GCNT1: variants seen among roughly 807,000 people sequenced by gnomAD.
GCNT1 encodes glucosaminyl (N-acetyl) transferase 1.
A neutral mutation model predicts 26.2 loss-of-function variants in GCNT1; 16 were observed. That is an observed-to-expected ratio of 0.61 (90% CI 0.41 to 0.93). The LOEUF is 0.93. Ranked by LOEUF, GCNT1 falls within the 40% of genes least tolerant of loss-of-function variation. The probability of loss-of-function intolerance (pLI) is 0.00; values close to 1 mark genes in which losing one functional copy is unlikely to be tolerated. For synonymous variants in GCNT1, 183 were observed against 190.8 expected, an observed-to-expected ratio of 0.96 and a Z score of 0.34; for missense variants, 477 against 526.7, an observed-to-expected ratio of 0.91 and a Z score of 0.92.
chr9:76,415,831 G>A (rs982060719), upstream of GCNT1, among the ~76,000 whole-genome samples: 3 of 152,292 alleles, frequency 2.0e-5, no homozygotes, highest in South Asian at 2.1e-4. Flanking sequence ...CTTCCTGTTT[G>A]TCTTTCCATT....
chr9:76,456,991 G>T (rs1358386879), upstream of GCNT1, among the ~76,000 whole-genome samples: 2 of 152,062 alleles, frequency 1.3e-5, no homozygotes, highest in African/African-American at 4.8e-5. Flanking sequence ...AAACAAAATG[G>T]ATTACACTTA....
At chr9:76,443,997 A>G (rs945883595) in intron 1 of GCNT1, among the ~76,000 whole-genome samples, 1 of 145,810 alleles carries the variant, frequency 6.9e-6, no homozygotes, top group African/African-American at 2.6e-5. Context: ...AAGGAAGAAA[A>G]AAAGAGCCAG....
At chr9:76,413,660 T>G in the GCNT1 span, among the ~76,000 whole-genome samples, 42,293 of 131,012 alleles carry the variant, frequency 0.32, 5,637 homozygotes, top group Middle Eastern at 0.37. Flanking sequence ...TTTGTTTTTT[T>G]TTTTTTTGTT....
At chr9:76,447,344 A>G (rs1401100616) in intron 1 of GCNT1, among the ~76,000 whole-genome samples, 1 of 151,464 alleles carries the variant, frequency 6.6e-6, no homozygotes, top group Non-Finnish European at 1.5e-5. Context: ...GGCTCAGGCA[A>G]TCCTTCCACT....
intron 2 of GCNT1, among the ~76,000 whole-genome samples, chr9:76,465,933 C>T (rs762067308): frequency 9.9e-5 from 15 of 152,052 alleles, no homozygotes; most frequent in Admixed American, 3.3e-4. Flanking sequence ...CGGGTTGGCA[C>T]GAGGTGTGGG....
intron 2 of GCNT1, among the ~76,000 whole-genome samples, chr9:76,464,467 T>C (rs1305785495): frequency 1.3e-5 from 2 of 152,240 alleles, no homozygotes; most frequent in African/African-American, 4.8e-5. Flanking sequence ...TCTGCCCACA[T>C]TGGCCTCCCA....
At chr9:76,408,395 G>A in the GCNT1 span, among the ~76,000 whole-genome samples, 1 of 152,006 alleles carries the variant, frequency 6.6e-6, no homozygotes, top group African/African-American at 2.4e-5. Flanking sequence ...TTTTTAGTCT[G>A]TTGAAATGAT....
intron 2 of GCNT1, among the ~76,000 whole-genome samples, chr9:76,462,050 A>G (rs1373367056): frequency 1.3e-5 from 2 of 152,246 alleles, no homozygotes; most frequent in Admixed American, 6.5e-5. Flanking sequence ...CATGAAATGA[A>G]GTGGTAGAAA....
In GCNT1 at chr9:76,443,994, A is replaced by AAGGAAG; in HGVS notation, c.-290+1680_-290+1681insGGAAGA. ...GGAAGGAAGGAAGGAAGGAAGGAAG[A>AAGGAAG]AAAAAAGAGCCAGAAGCATTTGTTG... On this transcript the variant is annotated intron_variant, in intron 1 of 2. Transcript: ENST00000442371. Among the ~76,000 whole-genome samples the AAGGAAG allele has an allele frequency of 2.1e-5, 3 of 145,694 alleles. No homozygotes were observed. In the South Asian group the frequency reaches 6.9e-4, roughly 34 times the overall value.
In GCNT1 at chr9:76,503,334, C is replaced by T; in HGVS notation, c.953C>T (p.Pro318Leu). The T allele has an allele frequency of 6.2e-7, 1 of 1,614,124 alleles. No homozygotes were observed. Among genetic ancestry groups the T allele is most frequent in the East Asian group, 2.2e-5 (1 of 44,882 alleles). ...GAGTGGGCACAAGACACATACAGCC[C>T]TGATGAGTATCTCTGGGCCACCATC... ...LMEWAQDTYS[P>L]DEYLWATIQR... Residue 318 changes from proline (P) to leucine (L), a missense_variant, in exon 4 of 4, where the codon CCT becomes CTT. Physicochemically the swap from Pro to Leu is moderately conservative, Grantham distance 98 (BLOSUM62 -3). Transcript: ENST00000376730.
In GCNT1 at chr9:76,461,075, C is replaced by T. The variant is rs2131594193; in HGVS notation, c.-290+898C>T. 2.0e-5 allele frequency among the ~76,000 whole-genome samples: 3 copies of T among 152,204 alleles called. No individual in the cohort carries two copies. In the South Asian group the frequency reaches 6.2e-4, roughly 32 times the overall value. On this transcript the variant is annotated intron_variant, in intron 2 of 3. Coordinates refer to ENST00000376730, the MANE Select transcript of GCNT1 (RefSeq NM_001490.5). Reference sequence around the variant, plus strand: ...CCACATGGACTAAACAGGTAATGCACAAGAGTGCTTGGTTGGGCCCAGGTG... The same window carrying T: ...CCACATGGACTAAACAGGTAATGCATAAGAGTGCTTGGTTGGGCCCAGGTG...
chr9:76,404,228 T>C, the GCNT1 span, among the ~76,000 whole-genome samples: 1 of 152,186 alleles, frequency 6.6e-6, no homozygotes, highest in Non-Finnish European at 1.5e-5. Flanking sequence ...TACTGGTGTT[T>C]CCCTCCTTTT....
chr9:76,495,467 G>C (rs866629042), intron 2 of GCNT1, among the ~76,000 whole-genome samples: 4 of 152,192 alleles, frequency 2.6e-5, no homozygotes, highest in Middle Eastern at 3.2e-3. Context: ...CATGGAAGGG[G>C]ACCAGAGCAG....
rs1825258345 is a variant in GCNT1 at position 76,507,113 on chromosome 9, T to G, written c.*3445T>G. The stretch of plus-strand genomic sequence containing the variant: ...ATTTAACACAAAGCCTATTTTATAA[T>G]GAAGTGTTGAATAGCTCATGTTATT... On this transcript the variant is annotated 3_prime_UTR_variant, in exon 4 of 4. Coordinates refer to ENST00000376730, the MANE Select transcript of GCNT1 (RefSeq NM_001490.5). 2 of 167,108 alleles carry G rather than the reference T, an allele frequency of 1.2e-5. No individual in the cohort carries two copies. The highest frequency in any genetic ancestry group is 3.9e-4 in the East Asian group (2 of 5,192). The allele number at this position is 167,108 out of a possible 1,614,324, so 10.4% of individuals were successfully genotyped here. A position where few individuals can be genotyped will look rare whatever the true frequency, so the allele number is the denominator to read the frequency against.
chr9:76,442,252 G>A (rs1326000064), exon 1 of GCNT1: 1 of 152,228 alleles, frequency 6.6e-6, no homozygotes, highest in Non-Finnish European at 1.5e-5. Flanking sequence ...AAAGAAACAC[G>A]GTTCTGCTGA....
rs773905821 is a variant in GCNT1, at chr9:76,505,441, G to T, written c.*1773G>T. The T allele has an allele frequency of 3.6e-5, 6 of 167,174 alleles. No homozygotes were observed. Among genetic ancestry groups the T allele is most frequent in the Non-Finnish European group, 7.3e-5 (5 of 68,214 alleles). The allele number at this position is 167,174 out of a possible 1,614,324, so 10.4% of individuals were successfully genotyped here. On this transcript the variant is annotated 3_prime_UTR_variant, in exon 4 of 4. Coordinates refer to ENST00000376730, the MANE Select transcript of GCNT1 (RefSeq NM_001490.5). ...CATGCAGTGTGTTCTCTCTTTATTGGCTTCTAAACCAGTTTTGTCCTTTAA... is the reference window on the plus strand; with the variant it reads ...CATGCAGTGTGTTCTCTCTTTATTGTCTTCTAAACCAGTTTTGTCCTTTAA...
intron 2 of GCNT1, among the ~76,000 whole-genome samples, chr9:76,467,455 C>T (rs546293846): frequency 3.3e-5 from 5 of 152,152 alleles, no homozygotes; most frequent in East Asian, 1.9e-4. Context: ...TCATGGTTCT[C>T]GGTGTTGGCT....
chr9:76,503,056 C>A lies in GCNT1; in HGVS notation c.675C>A (p.Thr225=). ...GTGGTATGGATTTTCCCATTAAAAC[C>A]AACCTAGAAATTGTCAGGAAGCTCA... ...NLCGMDFPIK[T]NLEIVRKLKL... is the part of the protein sequence containing the mutation. The change falls in exon 4 of 4, where the codon ACC becomes ACA. Residue 225 remains threonine (T), a synonymous_variant. Transcript: ENST00000376730. 1 of 1,614,016 alleles carries A rather than the reference C, an allele frequency of 6.2e-7. No homozygotes were observed. The highest frequency in any genetic ancestry group is 8.5e-7 in the Non-Finnish European group (1 of 1,179,998).
upstream of GCNT1, among the ~76,000 whole-genome samples, chr9:76,419,189 C>T (rs1823158667): frequency 6.6e-6 from 1 of 152,034 alleles, no homozygotes; most frequent in South Asian, 2.1e-4. Flanking sequence ...TCCCTTATAG[C>T]CCCCATCCCA....
Sources: allele counts gnomAD v4.1 joint callset (sites outside exome capture counted in the v4.1 genomes callset), GRCh38; gene constraint gnomAD v4.1.1; transcripts MANE v1.5; gene names NCBI Gene and HGNC (gene_info 2026-07-23, HGNC 2026-07-21).